USP19: variants seen among roughly 807,000 people sequenced by gnomAD.
The protein encoded by USP19 is ubiquitin carboxyl-terminal hydrolase 19.
In USP19, 40 loss-of-function variants were observed where a neutral mutation model predicts 144.8. That is an observed-to-expected ratio of 0.28 (90% CI 0.21 to 0.36). The LOEUF (loss-of-function observed/expected upper bound fraction) is 0.36, where lower values mean the gene tolerates loss of function less well. Among genes scored for constraint, USP19 ranks in the 10% least tolerant of loss-of-function variants. The pLI is 1.00. For missense variants in USP19, 1,518 were observed against 1,822.5 expected (o/e 0.83, Z 3.04); for synonymous variants, 701 against 709.3 (o/e 0.99, Z 0.19).
At position 49,110,528 on chromosome 3, in the gene USP19, T is replaced by G. The variant is rs576922595; in HGVS notation, c.3775A>C (p.Asn1259His). The change falls in exon 25 of 27, where the codon AAC becomes CAC. Residue 1259 changes from asparagine to histidine, a missense_variant. Asn to His is a moderately conservative substitution (Grantham distance 68, BLOSUM62 1). Around this residue, in one of 5 missense-constraint regions of USP19, gnomAD observed 122 missense variants for 200.4 expected, o/e 0.61. Transcript: ENST00000417901. This position sits in a 1 kb window ranked among gnomAD's most constrained non-coding sequence, Gnocchi z 6.1. Reference sequence around the variant, plus strand: ...CCACCAATCATGCCTCCATAGTGGTTGATGACAGCATATAGATCGTAGCTG... The same window carrying G: ...CCACCAATCATGCCTCCATAGTGGTGGATGACAGCATATAGATCGTAGCTG... ...LPSYDLYAVI[N>H]HYGGMIGGHY... 6.2e-7 allele frequency: 1 copy of G among 1,614,174 alleles called. No individual in the cohort carries two copies. The highest frequency in any genetic ancestry group is 1.1e-5 in the South Asian group (1 of 91,086).
chr3:49,111,707 C>T lies in USP19; in HGVS notation c.3010G>A (p.Gly1004Arg). 1 of 1,591,728 alleles carries T rather than the reference C, an allele frequency of 6.3e-7. No homozygotes were observed. Among genetic ancestry groups the T allele is most frequent in the Admixed American group, 1.7e-5 (1 of 58,094 alleles). The change falls in exon 21 of 27, where the codon GGG (glycine) becomes AGG (arginine). Residue 1004 changes from glycine (G) to arginine (R), a missense_variant. This residue lies in a region of USP19 where 413 missense variants were observed against 515.8 expected (regional missense o/e 0.80). Coordinates refer to ENST00000417901, the MANE Select transcript of USP19 (RefSeq NM_001199161.2). This position sits in a 1 kb window ranked among gnomAD's most constrained non-coding sequence, Gnocchi z 5.9. Reference protein sequence around the residue: ...TLLSTGSLEAGDSERDPIQPP... With the variant: ...TLLSTGSLEARDSERDPIQPP... Reference sequence around the variant, plus strand: ...TGAATGGGGTCTCTCTCGCTGTCCCCAGCCTCCAGGGAACCTGTGGAGAGC... The same window carrying T: ...TGAATGGGGTCTCTCTCGCTGTCCCTAGCCTCCAGGGAACCTGTGGAGAGC...
chr3:49,109,145 G>A (rs764219235), intron 26 of USP19: 287 of 1,515,478 alleles, frequency 1.9e-4, no homozygotes, highest in Middle Eastern at 3.5e-4. Context: ...CTCAGGCACC[G>A]GCTCCTCCTC....
chr3:49,115,989 CAG>C lies in USP19; in HGVS notation c.1472-47_1472-46del, dbSNP rs1158603483. On this transcript the variant is annotated intron_variant, in intron 10 of 26. Coordinates refer to ENST00000417901, the MANE Select transcript of USP19 (RefSeq NM_001199161.2). The surrounding 1 kb of genome is among the most constrained non-coding windows in gnomAD (Gnocchi z 6.6). ...AGGGCTGGTGGTTAGCAGCATGTGA[CAG>C]GGGTTTGGGTCCTGGTCACGTGGAA... 1 of 1,567,642 alleles carries C rather than the reference CAG, an allele frequency of 6.4e-7. No individual in the cohort carries two copies. The highest frequency in any genetic ancestry group is 2.2e-5 in the East Asian group (1 of 44,484).
chr3:49,111,160 G>A lies in USP19; in HGVS notation c.3335C>T (p.Thr1112Ile), dbSNP rs1452205791. 1.7e-5 allele frequency: 27 copies of A among 1,613,894 alleles called. No homozygotes were observed. Among genetic ancestry groups the A allele is most frequent in the Non-Finnish European group, 2.3e-5 (27 of 1,180,030 alleles). ...REQRLEDKGDTPLELGDDCSL... is the reference protein window; with the variant it reads ...REQRLEDKGDIPLELGDDCSL... The stretch of plus-strand genomic sequence containing the variant: ...ACAGTCGTCACCCAGCTCCAGTGGG[G>A]TGTCTCCTGGAGATTCGCAGGGAGA... The change falls in exon 23 of 27, where the codon ACC (threonine) becomes ATC (isoleucine). Residue 1112 changes from threonine to isoleucine, a missense_variant. Transcript: ENST00000417901. The surrounding 1 kb of genome is among the most constrained non-coding windows in gnomAD (Gnocchi z 5.9).
Position 49,117,157 on chromosome 3 carries a change from C to T in USP19, c.811G>A (p.Ala271Thr). The T allele has an allele frequency of 6.5e-7, 1 of 1,548,640 alleles. No individual in the cohort carries two copies. The highest frequency in any genetic ancestry group is 1.2e-5 in the South Asian group (1 of 84,142). The change falls in exon 6 of 27, where the codon GCT (alanine) becomes ACT (threonine). Residue 271 changes from alanine to threonine, a missense_variant. Ala to Thr is a moderately conservative substitution (Grantham distance 58). Transcript: ENST00000417901. This position sits in a 1 kb window ranked among gnomAD's most constrained non-coding sequence, Gnocchi z 4.4. ...TCTGGCCCTCTGCAGAGATGCACAG[C>T]CCTCTTGGCGCTGGGCCCTGCCTGG... ...GAQAGPSAKR[A>T]VHLCRGPEGD...
chr3:49,110,211 G>A lies in USP19; in HGVS notation c.4011C>T (p.Gly1337=). 6 of 1,543,220 alleles carry A rather than the reference G, an allele frequency of 3.9e-6. No individual in the cohort carries two copies. Among genetic ancestry groups the A allele is most frequent in the Non-Finnish European group, 3.5e-6 (4 of 1,145,614 alleles). The change falls in exon 26 of 27, where the codon GGC becomes GGT. Residue 1337 remains glycine, a synonymous_variant. Transcript: ENST00000417901. This position sits in a 1 kb window ranked among gnomAD's most constrained non-coding sequence, Gnocchi z 6.1. ...GGCTGGCAGCAGCCTCAGCTGCAGGGCCTAGGTCTGGGTGGTGCTCAGAGT... is the reference window on the plus strand; with the variant it reads ...GGCTGGCAGCAGCCTCAGCTGCAGGACCTAGGTCTGGGTGGTGCTCAGAGT... ...AGHSEHHPDL[G]PAAEAAASQG... is the part of the protein sequence containing the mutation.
intron 2 of USP19, among the ~76,000 whole-genome samples, 157 bp downstream of exon 2, chr3:49,118,865 G>T (rs975123354): frequency 2.6e-5 from 4 of 152,200 alleles, no homozygotes; most frequent in African/African-American, 4.8e-5. Flanking sequence ...AGGCTTCAAA[G>T]CTGAGGCTCT....
At position 49,110,115 on chromosome 3, in the gene USP19, T is replaced by G. The variant is rs374121582; in HGVS notation, c.4038+69A>C. ...CCTGTGGCTGGAGGAGAGGAAGCTA[T>G]ATCCCCCAACCCGGCCCCAGTCTGT... is the stretch of plus-strand genomic sequence containing the variant. On this transcript the variant is annotated intron_variant, in intron 26 of 26. Coordinates refer to ENST00000417901, the MANE Select transcript of USP19 (RefSeq NM_001199161.2). This position sits in a 1 kb window ranked among gnomAD's most constrained non-coding sequence, Gnocchi z 6.1. 1.4e-6 allele frequency: 2 copies of G among 1,435,520 alleles called. No individual in the cohort carries two copies. Among genetic ancestry groups the G allele is most frequent in the Non-Finnish European group, 9.1e-7 (1 of 1,097,126 alleles). The allele number at this position is 1,435,520 out of a possible 1,614,324, so 88.9% of individuals were successfully genotyped here.
intron 26 of USP19, among the ~76,000 whole-genome samples, chr3:49,109,730 G>A (rs1272313518): frequency 6.6e-6 from 1 of 152,246 alleles, no homozygotes; most frequent in East Asian, 1.9e-4. Context: ...AGCAAAGACA[G>A]ATGCTTACCT....
chr3:49,110,444 C>T lies in USP19; in HGVS notation c.3859G>A (p.Gly1287Ser). Residue 1287 changes from glycine (G) to serine (S), a missense_variant and splice_region_variant, in exon 25 of 27, where the codon GGC becomes AGC. Physicochemically the swap from Gly to Ser is moderately conservative, Grantham distance 56. Coordinates refer to ENST00000417901, the MANE Select transcript of USP19 (RefSeq NM_001199161.2). The surrounding 1 kb of genome is among the most constrained non-coding windows in gnomAD (Gnocchi z 6.1). The part of the protein sequence containing the change: ...NDRSSQRSDV[G>S]WRLFDDSTVT... ...TCCTGCTGGCTGTGTGTGCCCTCAC[C>T]CACGTCACTGCGCTGACTGCTACGA... 1 of 1,613,764 alleles carries T rather than the reference C, an allele frequency of 6.2e-7. No individual in the cohort carries two copies. The highest frequency in any genetic ancestry group is 8.5e-7 in the Non-Finnish European group (1 of 1,179,812).
Position 49,118,071 on chromosome 3 carries a change from T to A in USP19, c.174A>T (p.Ser58=). Residue 58 remains serine (S), a synonymous_variant, in exon 3 of 27, where the codon TCA becomes TCT. Transcript: ENST00000417901. Reference sequence around the variant, plus strand: ...GGGAGGCTGAGGCAGAAGGATCACCTGAGGCCAGAGGTTCAAGACCAGCCT... The same window carrying A: ...GGGAGGCTGAGGCAGAAGGATCACCAGAGGCCAGAGGTTCAAGACCAGCCT... ...VAQAGLEPLA[S]GDPSASASHA... 6.3e-7 allele frequency: 1 copy of A among 1,575,924 alleles called. No homozygotes were observed. Among genetic ancestry groups the A allele is most frequent in the Non-Finnish European group, 8.6e-7 (1 of 1,161,978 alleles).
In USP19 at chr3:49,112,658, G is replaced by C. The variant is rs77923560; in HGVS notation, c.2506-29C>G. On this transcript the variant is annotated intron_variant, in intron 17 of 26. Transcript: ENST00000417901. The surrounding 1 kb of genome is among the most constrained non-coding windows in gnomAD (Gnocchi z 4.9). ...GGGACAGAGAACACACAGATCCCAC[G>C]TGAGGATAAGCCCTTTCCCTAGCCC... 1.6e-5 allele frequency: 26 copies of C among 1,600,118 alleles called. No homozygotes were observed. The African/African-American group carries it at 3.2e-4, about 20-fold the overall frequency.
rs1356336474 is a variant in USP19 at position 49,108,321 on chromosome 3, T to C, written c.*91A>G. 5.5e-6 allele frequency: 2 copies of C among 365,620 alleles called. No individual in the cohort carries two copies. The highest frequency in any genetic ancestry group is 1.0e-5 in the Non-Finnish European group (2 of 198,610). 22.6% of individuals were successfully genotyped at this position (365,620 alleles called of 1,614,324 possible). ...CTCAGCTTCCCATTGACAGAGCCAG[T>C]GTCCTCTGGGTTAGAGAAGGAGAAG... is the stretch of plus-strand genomic sequence containing the variant. On this transcript the variant is annotated 3_prime_UTR_variant, in exon 27 of 27. Transcript: ENST00000417901. This position sits in a 1 kb window ranked among gnomAD's most constrained non-coding sequence, Gnocchi z 4.8.
intron 26 of USP19, chr3:49,109,022 G>A (rs760020641): frequency 3.3e-5 from 54 of 1,613,478 alleles, no homozygotes; most frequent in South Asian, 2.5e-4. Flanking sequence ...CACCAAAGCC[G>A]CCACGGTGCC....
In USP19 at chr3:49,112,620, T is replaced by A. The variant is rs772003281; in HGVS notation, c.2515A>T (p.Asn839Tyr). The change falls in exon 18 of 27, where the codon AAT (asparagine) becomes TAT (tyrosine). Residue 839 changes from asparagine to tyrosine, a missense_variant. Coordinates refer to ENST00000417901, the MANE Select transcript of USP19 (RefSeq NM_001199161.2). The surrounding 1 kb of genome is among the most constrained non-coding windows in gnomAD (Gnocchi z 4.9). Reference sequence around the variant, plus strand: ...GGTAGGAACACACGATGAAAACGATTCTTAATTACCTGGGGACAGAGAACA... The same window carrying A: ...GGTAGGAACACACGATGAAAACGATACTTAATTACCTGGGGACAGAGAACA... Reference protein sequence around the residue: ...ENLRLAEVIKNRFHRVFLPSH... With the variant: ...ENLRLAEVIKYRFHRVFLPSH... The A allele has an allele frequency of 6.2e-7, 1 of 1,613,014 alleles. No homozygotes were observed. Among genetic ancestry groups the A allele is most frequent in the South Asian group, 1.1e-5 (1 of 90,958 alleles).
At chr3:49,109,027 G>A (rs761043602) in intron 26 of USP19, 13 of 1,613,590 alleles carry the variant, frequency 8.1e-6, no homozygotes, top group South Asian at 5.5e-5. Flanking sequence ...AAGCCGCCAC[G>A]GTGCCCAGGA....
chr3:49,110,368 G>A lies in USP19; in HGVS notation c.3860-6C>T. On this transcript the variant is annotated splice_polypyrimidine_tract_variant and splice_region_variant and intron_variant, in intron 25 of 26. Transcript: ENST00000417901. This position sits in a 1 kb window ranked among gnomAD's most constrained non-coding sequence, Gnocchi z 6.1. The stretch of plus-strand genomic sequence containing the variant: ...GTCATCAAACAAGCGCCAGCCTACA[G>A]CAGGGTGGGAAGAGTGTGAACAAAG... The A allele has an allele frequency of 1.3e-6, 2 of 1,595,386 alleles. No homozygotes were observed. Among genetic ancestry groups the A allele is most frequent in the South Asian group, 1.1e-5 (1 of 88,408 alleles).
In USP19 at chr3:49,116,147, T is replaced by C. The variant is rs777352722; in HGVS notation, c.1371A>G (p.Pro457=). Residue 457 remains proline (P), a synonymous_variant, in exon 10 of 27, where the codon CCA becomes CCG. Coordinates refer to ENST00000417901, the MANE Select transcript of USP19 (RefSeq NM_001199161.2). This position sits in a 1 kb window ranked among gnomAD's most constrained non-coding sequence, Gnocchi z 5.0. ...WQVKLRNLIE[P]EQCTFCFTAS... ...CCGTGAAACAGAAGGTGCACTGCTC[T>C]GGCTCAATCAGATTCCTGTGGGAAA... 6 of 1,613,916 alleles carry C rather than the reference T, an allele frequency of 3.7e-6. No homozygotes were observed. The East Asian group carries it at 1.1e-4, about 30-fold the overall frequency.
At position 49,111,896 on chromosome 3, in the gene USP19, C is replaced by A; in HGVS notation, c.2903+15G>T. 6.2e-7 allele frequency: 1 copy of A among 1,613,670 alleles called. No homozygotes were observed. The highest frequency in any genetic ancestry group is 8.5e-7 in the Non-Finnish European group (1 of 1,179,788). ...CCCCACCTACACCACTCTAGTCCAA[C>A]CACTGGGCACTTACCGGGCATAGCC... On this transcript the variant is annotated intron_variant, in intron 20 of 26. Coordinates refer to ENST00000417901, the MANE Select transcript of USP19 (RefSeq NM_001199161.2). The surrounding 1 kb of genome is among the most constrained non-coding windows in gnomAD (Gnocchi z 5.9).
Sources: gnomAD v4.1 joint callset for allele counts (sites outside exome capture counted in the v4.1 genomes callset) on GRCh38, gnomAD v4.1.1 for gene constraint, gnomAD v4.1.1 regional missense constraint, Gnocchi (gnomAD v3.1) non-coding constraint, MANE v1.5 for transcripts, NCBI Gene and HGNC (gene_info 2026-07-23, HGNC 2026-07-21) for gene names.